The following CHMP4C variants were observed in gnomAD, a reference collection of about 807,000 sequenced individuals.
CHMP4C encodes SNF7 homolog associated with Alix 3.
Under a neutral mutation model 29.0 loss-of-function variants are expected in CHMP4C, and 28 were observed. That is an observed-to-expected ratio of 0.97 (90% CI 0.72 to 1.32). CHMP4C has a LOEUF of 1.32. CHMP4C is among the 40% of genes most tolerant of loss of function. The pLI is 0.00. For synonymous variants in CHMP4C, 106 were observed against 102.4 expected (o/e 1.04, Z -0.21); for missense variants, 291 against 281.0 (o/e 1.04, Z -0.25).
chr8:81,743,588 A>G (rs1808789147), intron 1 of CHMP4C, among the ~76,000 whole-genome samples: 1 of 152,222 alleles, frequency 6.6e-6, no homozygotes, highest in Non-Finnish European at 1.5e-5. Flanking sequence ...CTTGCCCAGC[A>G]ATTGACTTCT....
intron 1 of CHMP4C, among the ~76,000 whole-genome samples, chr8:81,745,383 G>A (rs1447251586): frequency 1.3e-5 from 2 of 152,272 alleles, no homozygotes; most frequent in South Asian, 4.1e-4. Context: ...CACTGGATAT[G>A]ATGGTTCCTA....
At chr8:81,746,089 C>T (rs1208580687) in intron 1 of CHMP4C, among the ~76,000 whole-genome samples, 1 of 152,112 alleles carries the variant, frequency 6.6e-6, no homozygotes, top group African/African-American at 2.4e-5. Context: ...AGGAACAGCT[C>T]ACTGAGAGAC....
At position 81,759,083 on chromosome 8, in the gene CHMP4C, A is replaced by G. The variant is rs1255071100; in HGVS notation, c.*539A>G. On this transcript the variant is annotated 3_prime_UTR_variant, in exon 5 of 5. Transcript: ENST00000297265. ...GTTATTTCCTATGCGAATGACGTGT[A>G]TCCCTGTACCCATGGTAAATGTAAA... 1 of 153,336 alleles carries G rather than the reference A, an allele frequency of 6.5e-6. No homozygotes were observed. The highest frequency in any genetic ancestry group is 6.5e-5 in the Admixed American group (1 of 15,360). The allele number at this position is 153,336 out of a possible 1,614,324, so 9.5% of individuals were successfully genotyped here.
intron 2 of CHMP4C, among the ~76,000 whole-genome samples, chr8:81,754,086 A>G (rs1563623082): frequency 6.6e-6 from 1 of 152,140 alleles, no homozygotes; most frequent in Non-Finnish European, 1.5e-5. Context: ...GTAGAGTGGG[A>G]AAAGGTGAAA....
chr8:81,749,712 A>T (rs940666476), intron 1 of CHMP4C, among the ~76,000 whole-genome samples: 1 of 152,222 alleles, frequency 6.6e-6, no homozygotes, highest in Non-Finnish European at 1.5e-5. Flanking sequence ...CCTCACCTGC[A>T]TGACAAGAAC....
Position 81,753,179 on chromosome 8 carries a change from C to A in CHMP4C, c.306C>A (p.Asn102Lys), listed in dbSNP as rs1192981623. ...AAGCCCTGGAGAACTCACACACCAA[C>A]ACTGAGGTGTTGAGGAACATGGGCT... is the stretch of plus-strand genomic sequence containing the variant. ...QREALENSHT[N>K]TEVLRNMGFA... The change falls in exon 2 of 5, where the codon AAC (asparagine) becomes AAA (lysine). Residue 102 changes from asparagine (N) to lysine (K), a missense_variant. Transcript: ENST00000297265. 6.2e-7 allele frequency: 1 copy of A among 1,612,006 alleles called. No individual in the cohort carries two copies. Among genetic ancestry groups the A allele is most frequent in the Admixed American group, 1.7e-5 (1 of 59,814 alleles).
intron 2 of CHMP4C, among the ~76,000 whole-genome samples, chr8:81,755,158 A>G (rs936749926): frequency 4.6e-5 from 7 of 152,116 alleles, no homozygotes; most frequent in Non-Finnish European, 1.0e-4. Flanking sequence ...TCCAAATGTA[A>G]TAGGTATTTA....
At chr8:81,746,194 G>T (rs1171602625) in intron 1 of CHMP4C, among the ~76,000 whole-genome samples, 2 of 152,162 alleles carry the variant, frequency 1.3e-5, no homozygotes, top group East Asian at 3.8e-4. Flanking sequence ...GTAAATGTCA[G>T]GTATCCTAGG....
chr8:81,756,583 A>G (rs76837345), intron 3 of CHMP4C, among the ~76,000 whole-genome samples: 6,900 of 152,174 alleles, frequency 0.045, 196 homozygotes, highest in Middle Eastern at 0.11. Flanking sequence ...AGATTTTTGG[A>G]TCCCTGGATT....
chr8:81,745,172 A>C (rs1313030415), intron 1 of CHMP4C, among the ~76,000 whole-genome samples: 1 of 152,224 alleles, frequency 6.6e-6, no homozygotes, highest in African/African-American at 2.4e-5. Context: ...AGTTCCTCAA[A>C]TAAAACATGA....
At chr8:81,736,858 T>A (rs1808698297) in intron 1 of CHMP4C, among the ~76,000 whole-genome samples, 1 of 152,216 alleles carries the variant, frequency 6.6e-6, no homozygotes, top group Admixed American at 6.5e-5. Flanking sequence ...GTCTGAAACT[T>A]GCTTTCATTA....
At chr8:81,749,362 A>G (rs1001538028) in intron 1 of CHMP4C, among the ~76,000 whole-genome samples, 2 of 152,222 alleles carry the variant, frequency 1.3e-5, no homozygotes, top group Non-Finnish European at 2.9e-5. Flanking sequence ...ACTTATCACC[A>G]ATTGAACATA....
intron 2 of CHMP4C, among the ~76,000 whole-genome samples, chr8:81,753,542 G>T (rs1808935557): frequency 6.6e-6 from 1 of 152,146 alleles, no homozygotes; most frequent in East Asian, 1.9e-4. Flanking sequence ...TTCAACCTGT[G>T]TGAGGGTGTT....
intron 3 of CHMP4C, among the ~76,000 whole-genome samples, chr8:81,757,328 T>C (rs16909563): frequency 0.15 from 23,441 of 152,156 alleles, 2,286 homozygotes; most frequent in East Asian, 0.38. Flanking sequence ...GAATATAAGG[T>C]GTCCCAAGTC....
At chr8:81,757,870 G>C (rs1463801294) in intron 3 of CHMP4C, among the ~76,000 whole-genome samples, 1 of 152,198 alleles carries the variant, frequency 6.6e-6, no homozygotes, top group Non-Finnish European at 1.5e-5. Context: ...CCCAGAAACT[G>C]TGGGGAGGTT....
chr8:81,739,698 C>G (rs1808739985), intron 1 of CHMP4C, among the ~76,000 whole-genome samples: 1 of 152,254 alleles, frequency 6.6e-6, no homozygotes, highest in Admixed American at 6.5e-5. Flanking sequence ...CACTATCTCC[C>G]TCTCTTTTCT....
intron 3 of CHMP4C, among the ~76,000 whole-genome samples, chr8:81,757,732 ATACCTG>A (rs1182399993): frequency 2.0e-5 from 3 of 152,228 alleles, no homozygotes; most frequent in Non-Finnish European, 4.4e-5. Context: ...TGGTTTTGCT[ATACCTG>A]TTGTTTTATT....
intron 1 of CHMP4C, among the ~76,000 whole-genome samples, chr8:81,751,098 C>A (rs1054714303): frequency 1.3e-5 from 2 of 152,064 alleles, no homozygotes; most frequent in African/African-American, 4.8e-5. Context: ...AACTGCCACT[C>A]AAGTTTGAGG....
chr8:81,758,465 T>A lies in CHMP4C; in HGVS notation c.638-15T>A. The A allele has an allele frequency of 1.2e-6, 2 of 1,603,810 alleles. No individual in the cohort carries two copies. The highest frequency in any genetic ancestry group is 1.7e-6 in the Non-Finnish European group (2 of 1,171,626). On this transcript the variant is annotated splice_polypyrimidine_tract_variant and intron_variant, in intron 4 of 4. Coordinates refer to ENST00000297265, the MANE Select transcript of CHMP4C (RefSeq NM_152284.4). ...ATGTCACCAATTACTAATTTTTATCTATTTTATGTTCCAGCATCTTCCCAG... is the reference window on the plus strand; with the variant it reads ...ATGTCACCAATTACTAATTTTTATCAATTTTATGTTCCAGCATCTTCCCAG...
Sources: gnomAD v4.1 joint callset for allele counts (sites outside exome capture counted in the v4.1 genomes callset) on GRCh38, gnomAD v4.1.1 for gene constraint, MANE v1.5 for transcripts, NCBI Gene and HGNC (gene_info 2026-07-23, HGNC 2026-07-21) for gene names.